JARID2: variants seen among roughly 807,000 people sequenced by gnomAD.
JARID2 encodes jumonji and AT-rich interaction domain containing 2, also known as protein Jumonji.
JARID2 carries 21 observed loss-of-function variants against 125.6 expected under a neutral mutation model. That is an observed-to-expected ratio of 0.17 (90% CI 0.12 to 0.24). The LOEUF (loss-of-function observed/expected upper bound fraction) is 0.24. Among genes scored for constraint, JARID2 ranks in the 10% least tolerant of loss-of-function variants. The probability of loss-of-function intolerance (pLI) is 1.00; values close to 1 mark genes in which losing one functional copy is unlikely to be tolerated. For synonymous variants in JARID2, 736 were observed against 661.6 expected, an observed-to-expected ratio of 1.11 and a Z score of -1.73; for missense variants, 1,303 against 1,639.6, an observed-to-expected ratio of 0.79 and a Z score of 3.55.
intron 8 of JARID2, among the ~76,000 whole-genome samples, chr6:15,502,102 G>C (rs1312209185): frequency 6.6e-6 from 1 of 152,248 alleles, no homozygotes; most frequent in African/African-American, 2.4e-5. Flanking sequence ...GGAAGAGCTG[G>C]GGAGAAACCA....
At chr6:15,271,357 A>G (rs1018762135) in intron 1 of JARID2, among the ~76,000 whole-genome samples, 1 of 152,206 alleles carries the variant, frequency 6.6e-6, no homozygotes, top group Non-Finnish European at 1.5e-5. Context: ...CAGGGCCTAC[A>G]CTTCGTGTAG....
At chr6:15,483,199 T>G (rs1421088410) in intron 5 of JARID2, among the ~76,000 whole-genome samples, 1 of 152,228 alleles carries the variant, frequency 6.6e-6, no homozygotes, top group African/African-American at 2.4e-5. Context: ...AAAAAGGGGC[T>G]AGCCCAAAAC....
chr6:15,344,535 CTT>C (rs58040233), intron 1 of JARID2, among the ~76,000 whole-genome samples: 21 of 144,824 alleles, frequency 1.5e-4, no homozygotes, highest in East Asian at 1.2e-3. Context: ...GTGTACAATT[CTT>C]TTTTTTTTTT....
intron 4 of JARID2, among the ~76,000 whole-genome samples, chr6:15,462,452 G>C (rs1355282217): frequency 6.6e-6 from 1 of 152,200 alleles, no homozygotes; most frequent in Non-Finnish European, 1.5e-5. Context: ...GAACAGTGCT[G>C]ATACATACAT....
chr6:15,327,911 C>G (rs1474679726), intron 1 of JARID2, among the ~76,000 whole-genome samples: 1 of 152,248 alleles, frequency 6.6e-6, no homozygotes, highest in East Asian at 1.9e-4. Context: ...GTTGGAGTAG[C>G]TGTGTTGTGC....
intron 1 of JARID2, among the ~76,000 whole-genome samples, chr6:15,304,811 G>T (rs904533653): frequency 6.6e-6 from 1 of 152,120 alleles, no homozygotes; most frequent in Non-Finnish European, 1.5e-5. Flanking sequence ...GGAGTCCATG[G>T]GTGTGTCCAG....
intron 2 of JARID2, among the ~76,000 whole-genome samples, chr6:15,377,494 G>C (rs200259436): frequency 1.5e-4 from 23 of 152,106 alleles, no homozygotes; most frequent in Middle Eastern, 3.4e-3. Context: ...GTGGTTTTTT[G>C]TGAGCCTGTC....
At position 15,333,024 on chromosome 6, in the gene JARID2, C is replaced by T. The variant is rs188019681; in HGVS notation, c.46-41093C>T. On this transcript the variant is annotated intron_variant, in intron 1 of 17. Transcript: ENST00000341776. ...TCTGCTAACTGCAGGCTCCGCCTCCCGGGTTCACGCCATTCTCCTGCCTCA... is the reference window on the plus strand; with the variant it reads ...TCTGCTAACTGCAGGCTCCGCCTCCTGGGTTCACGCCATTCTCCTGCCTCA... 1.7e-3 allele frequency among the ~76,000 whole-genome samples: 250 copies of T among 146,180 alleles called. 1 individual carries two copies. The highest frequency in any genetic ancestry group is 5.9e-3 in the African/African-American group (228 of 38,880).
intron 1 of JARID2, among the ~76,000 whole-genome samples, chr6:15,372,673 G>A (rs1764215307): frequency 6.6e-6 from 1 of 151,472 alleles, no homozygotes; most frequent in Admixed American, 6.6e-5. Context: ...ATTCTTTTAA[G>A]GCCCAAAGTA....
chr6:15,495,241 G>A (rs72837824), intron 6 of JARID2, among the ~76,000 whole-genome samples: 12 of 152,228 alleles, frequency 7.9e-5, no homozygotes, highest in African/African-American at 1.4e-4. Context: ...TTTCGCTGAC[G>A]TTTGTGTGTC....
intron 3 of JARID2, among the ~76,000 whole-genome samples, chr6:15,411,185 GAA>G (rs3839643): frequency 5.3e-5 from 8 of 150,330 alleles, no homozygotes; most frequent in African/African-American, 2.0e-4. Flanking sequence ...TGAAGGAAAA[GAA>G]AAAAAAAATC....
In JARID2 at chr6:15,266,439, C is replaced by T. The variant is rs543792489; in HGVS notation, c.45+19855C>T. On this transcript the variant is annotated intron_variant, in intron 1 of 17. Transcript: ENST00000341776. Reference sequence around the variant, plus strand: ...AGTAATGAAAAGGAAAATAGCAAACCGTGAGCTCCATATCCTCTCCCGCTG... The same window carrying T: ...AGTAATGAAAAGGAAAATAGCAAACTGTGAGCTCCATATCCTCTCCCGCTG... Among the ~76,000 whole-genome samples the T allele has an allele frequency of 9.8e-5, 15 of 152,300 alleles. No homozygotes were observed. In the South Asian group the frequency reaches 1.0e-3, roughly 11 times the overall value.
intron 1 of JARID2, among the ~76,000 whole-genome samples, chr6:15,362,653 C>G (rs979363005): frequency 1.3e-5 from 2 of 152,038 alleles, no homozygotes; most frequent in Admixed American, 1.3e-4. Context: ...TTGGAGTTTT[C>G]TTCTGAGATT....
At chr6:15,377,274 C>G (rs1262349272) in intron 2 of JARID2, among the ~76,000 whole-genome samples, 1 of 152,096 alleles carries the variant, frequency 6.6e-6, no homozygotes, top group Non-Finnish European at 1.5e-5. Context: ...TGAAAAGCAC[C>G]TGTTATATGG....
chr6:15,428,041 T>C (rs918958488), intron 3 of JARID2, among the ~76,000 whole-genome samples: 4 of 152,142 alleles, frequency 2.6e-5, no homozygotes, highest in Non-Finnish European at 5.9e-5. Context: ...ACTGCCTCCC[T>C]CCTATTTTAT....
At chr6:15,267,458 C>T (rs1461335311) in intron 1 of JARID2, among the ~76,000 whole-genome samples, 1 of 152,176 alleles carries the variant, frequency 6.6e-6, no homozygotes, top group Non-Finnish European at 1.5e-5. Flanking sequence ...ATACCTTCTG[C>T]AAGAGCATCA....
intron 12 of JARID2, chr6:15,509,347 A>G (rs1561915328): frequency 1.0e-6 from 1 of 985,366 alleles, no homozygotes; most frequent in South Asian, 4.7e-5. Flanking sequence ...AACATTCTTT[A>G]TTAAAATAAA....
intron 1 of JARID2, among the ~76,000 whole-genome samples, chr6:15,302,247 C>G (rs1761650737): frequency 6.6e-6 from 1 of 152,138 alleles, no homozygotes; most frequent in Non-Finnish European, 1.5e-5. Flanking sequence ...GAAACCCCAT[C>G]TCTACTAAAA....
intron 1 of JARID2, among the ~76,000 whole-genome samples, chr6:15,365,426 G>A (rs754135178): frequency 2.6e-5 from 4 of 152,158 alleles, no homozygotes; most frequent in Admixed American, 6.5e-5. Flanking sequence ...ATGAGCGTGC[G>A]GACGTCTTGC....
Sources: gnomAD v4.1 joint callset for allele counts (sites outside exome capture counted in the v4.1 genomes callset) on GRCh38, gnomAD v4.1.1 for gene constraint, MANE v1.5 for transcripts, NCBI Gene and HGNC (gene_info 2026-07-23, HGNC 2026-07-21) for gene names.